The following PDE4D variants were observed in gnomAD, a reference collection of about 807,000 sequenced individuals.
The protein encoded by PDE4D is 3',5'-cyclic-AMP phosphodiesterase 4D.
A neutral mutation model predicts 87.4 loss-of-function variants in PDE4D; 24 were observed. The ratio of observed to expected loss-of-function variants is 0.27; its 90% CI spans 0.20 to 0.39. The LOEUF (loss-of-function observed/expected upper bound fraction) is 0.39, where lower values mean the gene tolerates loss of function less well. Ranked by LOEUF, PDE4D falls within the 10% of genes least tolerant of loss-of-function variation. The probability of loss-of-function intolerance (pLI) is 1.00; values close to 1 mark genes in which losing one functional copy is unlikely to be tolerated. For synonymous variants in PDE4D, 384 were observed against 383.2 expected (o/e 1.00, Z -0.02); for missense variants, 714 against 1,041.0 (o/e 0.69, Z 4.32).
At chr5:60,095,642 G>T (rs1775601552) in intron 2 of PDE4D, among the ~76,000 whole-genome samples, 1 of 152,098 alleles carries the variant, frequency 6.6e-6, no homozygotes, top group African/African-American at 2.4e-5. Flanking sequence ...TTCCACAATG[G>T]AATCTGTCTA....
intron 1 of PDE4D, among the ~76,000 whole-genome samples, chr5:60,330,321 G>T (rs561671204): frequency 6.6e-6 from 1 of 152,292 alleles, no homozygotes; most frequent in East Asian, 1.9e-4. Flanking sequence ...AAGCCTGTGC[G>T]CAAATGAGCC....
chr5:60,031,254 T>A (rs2152859848), intron 2 of PDE4D, among the ~76,000 whole-genome samples: 1 of 152,340 alleles, frequency 6.6e-6, no homozygotes, highest in South Asian at 2.1e-4. Context: ...AGAAGAGGCT[T>A]TTTGCTTTAA....
chr5:60,356,689 A>C (rs1191229774), intron 1 of PDE4D, among the ~76,000 whole-genome samples: 1 of 152,176 alleles, frequency 6.6e-6, no homozygotes, highest in Non-Finnish European at 1.5e-5. Flanking sequence ...TATTGGAAAA[A>C]TAGTACTGAA....
In PDE4D at chr5:59,736,826, A is replaced by G. The variant is rs139056486; in HGVS notation, c.455+156342T>C. On this transcript the variant is annotated intron_variant, in intron 1 of 14. Coordinates refer to ENST00000340635, the MANE Select transcript of PDE4D (RefSeq NM_001104631.2). Reference sequence around the variant, plus strand: ...ACTATACCAGTAAACACCTGGAAACATTCCAAATATCTAACATTTGAAGAA... The same window carrying G: ...ACTATACCAGTAAACACCTGGAAACGTTCCAAATATCTAACATTTGAAGAA... Among the ~76,000 whole-genome samples, 957 of 152,324 alleles carry G rather than the reference A, an allele frequency of 6.3e-3. 10 individuals carry two copies. Among genetic ancestry groups the G allele is most frequent in the African/African-American group, 0.021 (894 of 41,588 alleles).
intron 1 of PDE4D, among the ~76,000 whole-genome samples, chr5:59,395,399 A>T (rs909290815): frequency 7.2e-5 from 11 of 152,232 alleles, no homozygotes; most frequent in African/African-American, 2.7e-4. Flanking sequence ...GAGAACTGGC[A>T]GACTGCCTCC....
At chr5:60,044,039 T>A (rs1768857931) in intron 2 of PDE4D, among the ~76,000 whole-genome samples, 1 of 152,130 alleles carries the variant, frequency 6.6e-6, no homozygotes, top group South Asian at 2.1e-4. Flanking sequence ...TTCTTTCATG[T>A]TTTCTGGTTG....
intron 5 of PDE4D, among the ~76,000 whole-genome samples, chr5:59,091,728 G>A (rs1226471024): frequency 6.6e-6 from 1 of 152,074 alleles, no homozygotes; most frequent in Non-Finnish European, 1.5e-5. Flanking sequence ...GGTGATCATA[G>A]TAGGTATTTA....
chr5:59,802,886 G>A (rs1384346957), intron 1 of PDE4D, among the ~76,000 whole-genome samples: 1 of 152,064 alleles, frequency 6.6e-6, no homozygotes, highest in African/African-American at 2.4e-5. Context: ...GACAAATAGT[G>A]GCCTGATGTC....
intron 1 of PDE4D, among the ~76,000 whole-genome samples, chr5:59,695,419 T>C (rs1444080651): frequency 2.0e-5 from 3 of 152,122 alleles, no homozygotes; most frequent in Admixed American, 6.6e-5. Context: ...GTATGCAACA[T>C]GTTTGTTGAA....
At chr5:60,038,990 G>A (rs531304462) in intron 2 of PDE4D, among the ~76,000 whole-genome samples, 2 of 150,798 alleles carry the variant, frequency 1.3e-5, no homozygotes, top group Non-Finnish European at 3.0e-5. Flanking sequence ...CTGTTGGTGG[G>A]ACTGTAAACT....
chr5:60,240,851 T>C (rs113232398), intron 1 of PDE4D, among the ~76,000 whole-genome samples: 1 of 152,264 alleles, frequency 6.6e-6, no homozygotes, highest in Admixed American at 6.5e-5. Flanking sequence ...CAGATATGGC[T>C]TAGATCATAA....
chr5:59,959,060 G>T (rs1012233743), intron 3 of PDE4D, among the ~76,000 whole-genome samples: 1 of 151,538 alleles, frequency 6.6e-6, no homozygotes, highest in Non-Finnish European at 1.5e-5. Context: ...TTCAAACTGA[G>T]ACCTACATCA....
At chr5:59,916,086 T>C (rs557719450) in intron 3 of PDE4D, among the ~76,000 whole-genome samples, 27 of 152,310 alleles carry the variant, frequency 1.8e-4, no homozygotes, top group Non-Finnish European at 3.5e-4. Flanking sequence ...AAAATACGGG[T>C]AGTCAGTCAC....
At chr5:59,546,466 C>T (rs796182227) in intron 1 of PDE4D, among the ~76,000 whole-genome samples, 11 of 151,892 alleles carry the variant, frequency 7.2e-5, no homozygotes, top group Non-Finnish European at 1.0e-4. Context: ...TCTAATCTCA[C>T]GAAAAATATG....
chr5:60,438,991 G>A (rs181622181), intron 1 of PDE4D, among the ~76,000 whole-genome samples: 6 of 152,048 alleles, frequency 3.9e-5, no homozygotes, highest in African/African-American at 4.8e-5. Flanking sequence ...TGCACTGTTG[G>A]AGATAGGAAA....
Position 59,893,634 on chromosome 5 carries a change from G to T in PDE4D, c.-12C>A. The T allele has an allele frequency of 6.8e-7, 1 of 1,480,126 alleles. No homozygotes were observed. 91.7% of individuals were successfully genotyped at this position (1,480,126 alleles called of 1,614,324 possible). On this transcript the variant is annotated 5_prime_UTR_variant, in exon 1 of 15. Transcript: ENST00000340635. ...CCCTCTGCCTCCATCCTGGCTCGCG[G>T]CTCCGCGACCTGCTGCCCAGCCCGG...
At chr5:60,471,306 C>A (rs1398859806) in intron 1 of PDE4D, among the ~76,000 whole-genome samples, 1 of 152,140 alleles carries the variant, frequency 6.6e-6, no homozygotes, top group Non-Finnish European at 1.5e-5. Flanking sequence ...GCTTCTTACA[C>A]ATAAGCCAAG....
chr5:59,306,649 C>T (rs138331542), intron 1 of PDE4D, among the ~76,000 whole-genome samples: 3,383 of 151,798 alleles, frequency 0.022, 125 homozygotes, highest in African/African-American at 0.077. Flanking sequence ...ATCCAACTTA[C>T]AAGCAACATG....
chr5:59,031,890 G>C (rs879804617), intron 6 of PDE4D, among the ~76,000 whole-genome samples: 1 of 151,810 alleles, frequency 6.6e-6, no homozygotes, highest in East Asian at 1.9e-4. Flanking sequence ...TAGAAAAGTC[G>C]ATCTCAGAAA....
Sources: gnomAD v4.1 joint callset for allele counts (sites outside exome capture counted in the v4.1 genomes callset) on GRCh38, gnomAD v4.1.1 for gene constraint, MANE v1.5 for transcripts, NCBI Gene and HGNC (gene_info 2026-07-23, HGNC 2026-07-21) for gene names.